The following EXOC6 variants were observed in gnomAD, a reference collection of about 807,000 sequenced individuals.
The protein encoded by EXOC6 is exocyst complex component 6.
EXOC6 carries 60 observed loss-of-function variants against 112.5 expected under a neutral mutation model. The ratio of observed to expected loss-of-function variants is 0.53; its 90% CI spans 0.43 to 0.66. The LOEUF (loss-of-function observed/expected upper bound fraction) is 0.66, where lower values mean the gene tolerates loss of function less well. Among genes scored for constraint, EXOC6 ranks in the 30% least tolerant of loss-of-function variants. The pLI is 0.00. For synonymous variants in EXOC6, 295 were observed against 308.0 expected (o/e 0.96, Z 0.44); for missense variants, 855 against 957.1 (o/e 0.89, Z 1.41).
chr10:92,975,855 G>C, intron 18 of EXOC6, among the ~76,000 whole-genome samples: 1 of 138,970 alleles, frequency 7.2e-6, no homozygotes, highest in African/African-American at 2.7e-5. Flanking sequence ...CCTCTGCCCG[G>C]CCGCCCCTAC....
intron 7 of EXOC6, among the ~76,000 whole-genome samples, chr10:92,917,192 C>G (rs1029719692): frequency 6.6e-6 from 1 of 151,980 alleles, no homozygotes; most frequent in African/African-American, 2.4e-5. Flanking sequence ...GTCTTGAACT[C>G]CTGGCCTGGT....
intron 14 of EXOC6, among the ~76,000 whole-genome samples, 194 bp downstream of exon 14, chr10:92,948,573 CACTACTACTACTACTACTACTACT>C (rs71028860): frequency 7.1e-6 from 1 of 140,174 alleles, no homozygotes; most frequent in African/African-American, 2.7e-5. Flanking sequence ...CTACTACTAC[CACTACTACTACTACTACTACTACT>C]ACTACTACTA....
chr10:92,830,595 G>C (rs1846459228), upstream of EXOC6, among the ~76,000 whole-genome samples: 1 of 152,096 alleles, frequency 6.6e-6, no homozygotes, highest in Admixed American at 6.5e-5. Context: ...GTGGGGGTTT[G>C]TGCTGTGCAT....
At chr10:92,990,082 G>C (rs1017213844) in intron 18 of EXOC6, among the ~76,000 whole-genome samples, 3 of 151,920 alleles carry the variant, frequency 2.0e-5, no homozygotes, top group Non-Finnish European at 2.9e-5. Context: ...CAAAATATTT[G>C]AAAAATTTGG....
intron 12 of EXOC6, among the ~76,000 whole-genome samples, chr10:92,939,866 A>G (rs12415602): frequency 0.26 from 39,501 of 151,966 alleles, 5,241 homozygotes; most frequent in Middle Eastern, 0.37. Flanking sequence ...TATTTAGGAG[A>G]TAGTCTGTGA....
At chr10:92,985,763 A>C (rs1299368772) in intron 18 of EXOC6, among the ~76,000 whole-genome samples, 3 of 152,048 alleles carry the variant, frequency 2.0e-5, no homozygotes, top group Non-Finnish European at 4.4e-5. Context: ...CTTTTTTCTA[A>C]GTATATGGGT....
chr10:93,048,122 T>G (rs552695041), intron 20 of EXOC6, among the ~76,000 whole-genome samples: 7 of 152,312 alleles, frequency 4.6e-5, no homozygotes, highest in Non-Finnish European at 8.8e-5. Flanking sequence ...TGTGTTTCTG[T>G]GTGTGCATGG....
intron 18 of EXOC6, among the ~76,000 whole-genome samples, chr10:92,988,480 T>C (rs1030678281): frequency 3.9e-5 from 6 of 152,190 alleles, no homozygotes; most frequent in African/African-American, 1.4e-4. Flanking sequence ...TGTCTTCTAA[T>C]TGGTCTCTAC....
At chr10:92,893,631 A>G (rs968690367) in intron 2 of EXOC6, 111 bp downstream of exon 2, 1 of 875,394 alleles carries the variant, frequency 1.1e-6, no homozygotes, top group African/African-American at 1.7e-5. Flanking sequence ...CAAGAAGTGA[A>G]TTAGTATATG....
intron 17 of EXOC6, among the ~76,000 whole-genome samples, chr10:92,958,267 C>G (rs1225255672): frequency 6.6e-6 from 1 of 152,100 alleles, no homozygotes; most frequent in East Asian, 1.9e-4. Flanking sequence ...AAATTTGCAT[C>G]AGTATAGAAG....
chr10:92,970,175 T>G (rs972327652), intron 17 of EXOC6, among the ~76,000 whole-genome samples: 20 of 152,234 alleles, frequency 1.3e-4, no homozygotes, highest in Admixed American at 1.1e-3. Flanking sequence ...ACACACTTCC[T>G]GCCTTCATTC....
chr10:93,048,755 CAA>C (rs11368682), intron 20 of EXOC6, among the ~76,000 whole-genome samples: 5 of 107,760 alleles, frequency 4.6e-5, no homozygotes, highest in Admixed American at 9.6e-5. Context: ...GACTCCGTCT[CAA>C]AAAAAAAAAA....
intron 18 of EXOC6, among the ~76,000 whole-genome samples, chr10:92,980,731 A>G (rs923194903): frequency 6.6e-6 from 1 of 152,216 alleles, no homozygotes; most frequent in Non-Finnish European, 1.5e-5. Context: ...CTAAATTAGT[A>G]CCCTTGGAAA....
At chr10:92,976,759 A>G (rs1842638659) in intron 18 of EXOC6, among the ~76,000 whole-genome samples, 1 of 152,142 alleles carries the variant, frequency 6.6e-6, no homozygotes, top group African/African-American at 2.4e-5. Flanking sequence ...CCAAGAGAGT[A>G]AAAGTAAAAC....
chr10:93,002,785 A>C (rs535326341), intron 19 of EXOC6, among the ~76,000 whole-genome samples: 1 of 152,234 alleles, frequency 6.6e-6, no homozygotes, highest in East Asian at 1.9e-4. Context: ...TTCCTTATCT[A>C]CCAGTCTAAT....
rs1377676441 is a variant in EXOC6, at chr10:92,903,957, CA to C, written c.458+4314del. Among the ~76,000 whole-genome samples the C allele has an allele frequency of 2.0e-5, 3 of 152,138 alleles. No homozygotes were observed. The East Asian group carries it at 5.8e-4, about 29-fold the overall frequency. On this transcript the variant is annotated intron_variant, in intron 5 of 21. Transcript: ENST00000260762. ...CTTTCCTGTGCTCCCTATCTTTCCCCATCCTTCCCTGCTGTGAACCCGTACC... is the reference window on the plus strand; with the variant it reads ...CTTTCCTGTGCTCCCTATCTTTCCCCTCCTTCCCTGCTGTGAACCCGTACC...
intron 18 of EXOC6, among the ~76,000 whole-genome samples, chr10:92,990,575 A>C (rs1843189124): frequency 6.6e-6 from 1 of 152,192 alleles, no homozygotes; most frequent in Non-Finnish European, 1.5e-5. Context: ...TAACAGAAGA[A>C]AGCAAAGCCA....
intron 4 of EXOC6, among the ~76,000 whole-genome samples, chr10:92,898,455 A>G (rs1160895550): frequency 6.6e-6 from 1 of 151,778 alleles, no homozygotes; most frequent in Non-Finnish European, 1.5e-5. Context: ...ATCACGGCAT[A>G]AACAATGCAT....
At chr10:92,936,014 T>C in intron 12 of EXOC6, 129 bp downstream of exon 12, 1 of 600,234 alleles carries the variant, frequency 1.7e-6, no homozygotes, top group East Asian at 3.1e-5. Context: ...TACCTACATA[T>C]TGATATTCTG....
Sources: allele counts gnomAD v4.1 joint callset (sites outside exome capture counted in the v4.1 genomes callset), GRCh38; gene constraint gnomAD v4.1.1; transcripts MANE v1.5; gene names NCBI Gene and HGNC (gene_info 2026-07-23, HGNC 2026-07-21).